CSMD1: variants seen among roughly 807,000 people sequenced by gnomAD.
The protein encoded by CSMD1 is CUB and sushi domain-containing protein 1.
In CSMD1, 213 loss-of-function variants were observed where a neutral mutation model predicts 417.5. That is an observed-to-expected ratio of 0.51 (90% CI 0.46 to 0.57). The LOEUF is 0.57. Among genes scored for constraint, CSMD1 ranks in the 20% least tolerant of loss-of-function variants. The pLI, the probability that CSMD1 is intolerant of heterozygous loss-of-function variation, is 0.00. For missense variants in CSMD1, 6,923 were observed against 4,529.7 expected (o/e 1.53, Z -15.17); for synonymous variants, 2,862 against 1,736.8 (o/e 1.65, Z -16.11).
At chr8:4,178,046 T>C (rs998402072) in intron 3 of CSMD1, among the ~76,000 whole-genome samples, 9 of 152,000 alleles carry the variant, frequency 5.9e-5, no homozygotes, top group Non-Finnish European at 1.0e-4. Flanking sequence ...TTCCAATAAA[T>C]AGAAAAAGAG....
intron 5 of CSMD1, among the ~76,000 whole-genome samples, chr8:3,786,073 G>T (rs2623665): frequency 0.12 from 18,957 of 152,072 alleles, 1,309 homozygotes; most frequent in South Asian, 0.18. Flanking sequence ...GAATGAGCAG[G>T]CCTCATTGAA....
intron 10 of CSMD1, among the ~76,000 whole-genome samples, chr8:3,513,429 C>T (rs1015723803): frequency 2.6e-5 from 4 of 151,542 alleles, no homozygotes; most frequent in African/African-American, 9.7e-5. Context: ...CAGGATCAAG[C>T]ATTCTCCCGA....
chr8:3,392,222 G>A (rs947198856), intron 17 of CSMD1, among the ~76,000 whole-genome samples: 5 of 151,574 alleles, frequency 3.3e-5, no homozygotes, highest in South Asian at 2.1e-4. Context: ...TAACCTGCAC[G>A]TTGTCACATG....
At chr8:4,392,661 TA>T (rs201883913) in intron 3 of CSMD1, among the ~76,000 whole-genome samples, 6,169 of 151,278 alleles carry the variant, frequency 0.041, 240 homozygotes, top group African/African-American at 0.1. Context: ...TTATTATTAT[TA>T]TTATTTTTTT....
rs764027404 is a variant in CSMD1 at position 3,162,258 on chromosome 8, G to C, written c.5745C>G (p.Cys1915Trp). ...TGTTGCTGGGGAGGGCTGGTTCTTG[G>C]CATGCAGCAAGACCTACAGCTAGAA... is the stretch of plus-strand genomic sequence containing the variant. Reference protein sequence around the residue: ...LEYKTVGLAACQEPALPSNSI... With the variant: ...LEYKTVGLAAWQEPALPSNSI... Residue 1915 changes from cysteine (C) to tryptophan (W), a missense_variant, in exon 38 of 70, where the codon TGC (cysteine) becomes TGG (tryptophan). Coordinates refer to ENST00000635120, the MANE Select transcript of CSMD1 (RefSeq NM_033225.6). 6.2e-7 allele frequency: 1 copy of C among 1,607,942 alleles called. No individual in the cohort carries two copies. Among genetic ancestry groups the C allele is most frequent in the Non-Finnish European group, 8.5e-7 (1 of 1,176,828 alleles).
intron 41 of CSMD1, among the ~76,000 whole-genome samples, chr8:3,140,354 T>C (rs377715355): frequency 8.8e-4 from 133 of 151,970 alleles, no homozygotes; most frequent in African/African-American, 3.1e-3. Flanking sequence ...TCTCTGTCTC[T>C]CTCTCTCTGT....
chr8:4,894,397 C>T (rs1238896884), intron 1 of CSMD1, among the ~76,000 whole-genome samples: 5 of 151,820 alleles, frequency 3.3e-5, no homozygotes, highest in African/African-American at 1.2e-4. Flanking sequence ...CTCTCTTTCA[C>T]TCTTTCTCTG....
At chr8:3,842,821 A>G (rs1803220784) in intron 5 of CSMD1, among the ~76,000 whole-genome samples, 3 of 152,338 alleles carry the variant, frequency 2.0e-5, no homozygotes, top group Admixed American at 1.3e-4. Flanking sequence ...TCAAAAATAC[A>G]TTAGCAGATG....
At chr8:3,935,568 T>G (rs1170745405) in intron 5 of CSMD1, among the ~76,000 whole-genome samples, 3 of 152,172 alleles carry the variant, frequency 2.0e-5, no homozygotes, top group African/African-American at 7.2e-5. Flanking sequence ...ATGATTGTAC[T>G]TGCTATGGTG....
chr8:4,292,450 C>T (rs932461056), intron 3 of CSMD1, among the ~76,000 whole-genome samples: 14 of 152,074 alleles, frequency 9.2e-5, no homozygotes, highest in Admixed American at 2.0e-4. Flanking sequence ...GACGGAATTT[C>T]ACCGTGTTAG....
intron 2 of CSMD1, among the ~76,000 whole-genome samples, chr8:4,594,955 G>A (rs1039257215): frequency 6.6e-6 from 1 of 152,164 alleles, no homozygotes; most frequent in African/African-American, 2.4e-5. Context: ...GTAGTTGAAT[G>A]TTTTTCATAC....
intron 2 of CSMD1, among the ~76,000 whole-genome samples, chr8:4,423,026 T>C (rs1797337378): frequency 6.6e-6 from 1 of 152,014 alleles, no homozygotes; most frequent in Admixed American, 6.6e-5. Flanking sequence ...AGGAATCTTC[T>C]CCAACTTGAC....
chr8:4,810,567 G>T (rs992339871), intron 1 of CSMD1, among the ~76,000 whole-genome samples: 5 of 152,100 alleles, frequency 3.3e-5, no homozygotes, highest in Admixed American at 1.3e-4. Flanking sequence ...GTGTGTATGT[G>T]GGGGGTGGTG....
intron 2 of CSMD1, among the ~76,000 whole-genome samples, chr8:4,465,744 T>C (rs1027991909): frequency 6.6e-6 from 1 of 152,092 alleles, no homozygotes; most frequent in Non-Finnish European, 1.5e-5. Flanking sequence ...GGAACTCTAG[T>C]TTGTAGGTCA....
chr8:3,746,853 G>T, intron 6 of CSMD1, among the ~76,000 whole-genome samples: 2 of 152,158 alleles, frequency 1.3e-5, no homozygotes, highest in Non-Finnish European at 2.9e-5. Context: ...GGTCAATAGG[G>T]TGGGGCTAAG....
chr8:2,952,042 G>GA (rs1228673038), intron 65 of CSMD1, among the ~76,000 whole-genome samples: 1 of 151,994 alleles, frequency 6.6e-6, no homozygotes, highest in African/African-American at 2.4e-5. Flanking sequence ...CACGGCTTAA[G>GA]AAAAAAATAA....
intron 3 of CSMD1, among the ~76,000 whole-genome samples, chr8:4,081,066 C>G (rs1335614117): frequency 6.6e-6 from 1 of 152,128 alleles, no homozygotes; most frequent in Non-Finnish European, 1.5e-5. Context: ...TTGGGTAATT[C>G]AGTAAGAATG....
intron 1 of CSMD1, among the ~76,000 whole-genome samples, chr8:4,688,543 C>G: frequency 6.6e-6 from 1 of 152,154 alleles, no homozygotes; most frequent in Non-Finnish European, 1.5e-5. Flanking sequence ...TCCAAAATGG[C>G]TCTTAATTAA....
At chr8:3,847,560 C>G (rs1803592205) in intron 5 of CSMD1, among the ~76,000 whole-genome samples, 1 of 152,130 alleles carries the variant, frequency 6.6e-6, no homozygotes, top group Non-Finnish European at 1.5e-5. Flanking sequence ...GAGTCCTTGA[C>G]TGCTGCTTCT....
Sources: allele counts gnomAD v4.1 joint callset (sites outside exome capture counted in the v4.1 genomes callset), GRCh38; gene constraint gnomAD v4.1.1; transcripts MANE v1.5; gene names NCBI Gene and HGNC (gene_info 2026-07-23, HGNC 2026-07-21).